CNTNAP5: variants seen among roughly 807,000 people sequenced by gnomAD.
The protein encoded by CNTNAP5 is contactin-associated protein-like 5.
A neutral mutation model predicts 150.2 loss-of-function variants in CNTNAP5; 72 were observed. The ratio of observed to expected loss-of-function variants is 0.48; its 90% CI spans 0.40 to 0.58. The LOEUF (loss-of-function observed/expected upper bound fraction) is 0.58. Ranked by LOEUF, CNTNAP5 falls within the 20% of genes least tolerant of loss-of-function variation. The probability of loss-of-function intolerance (pLI) is 0.00; values close to 1 mark genes in which losing one functional copy is unlikely to be tolerated. For synonymous variants in CNTNAP5, 672 were observed against 619.8 expected (o/e 1.08, Z -1.25); for missense variants, 1,636 against 1,626.2 (o/e 1.01, Z -0.10).
intron 3 of CNTNAP5, among the ~76,000 whole-genome samples, chr2:124,414,967 C>T (rs78859846): frequency 6.6e-6 from 1 of 152,190 alleles, no homozygotes; most frequent in African/African-American, 2.4e-5. Flanking sequence ...TTTACTCTAC[C>T]CAAAACAGTA....
At chr2:124,221,912 G>A in intron 2 of CNTNAP5, 103 bp downstream of exon 2, 2 of 700,704 alleles carry the variant, frequency 2.9e-6, no homozygotes, top group East Asian at 5.5e-5. Flanking sequence ...ATGTCCAATG[G>A]CCGTCTTCAG....
At chr2:124,081,004 T>C (rs1682548574) in intron 1 of CNTNAP5, among the ~76,000 whole-genome samples, 1 of 152,178 alleles carries the variant, frequency 6.6e-6, no homozygotes, top group South Asian at 2.1e-4. Context: ...AACTTTACAG[T>C]TGCAATCATA....
At chr2:124,856,975 C>G (rs571249243) in intron 19 of CNTNAP5, among the ~76,000 whole-genome samples, 109 of 152,234 alleles carry the variant, frequency 7.2e-4, no homozygotes, top group Non-Finnish European at 8.8e-5. Context: ...TGGGCTGTGG[C>G]TCATGGGGCT....
intron 1 of CNTNAP5, among the ~76,000 whole-genome samples, chr2:124,026,142 G>A (rs1341862139): frequency 1.3e-5 from 2 of 152,150 alleles, no homozygotes; most frequent in Non-Finnish European, 2.9e-5. Flanking sequence ...GCTCATCTCT[G>A]AATGCAGTGC....
rs757448937 is a variant in CNTNAP5, at chr2:124,527,446, A to G, written c.1639A>G (p.Ile547Val). The G allele has an allele frequency of 6.2e-7, 1 of 1,611,652 alleles. No homozygotes were observed. Among genetic ancestry groups the G allele is most frequent in the South Asian group, 1.1e-5 (1 of 90,734 alleles). Residue 547 changes from isoleucine (I) to valine (V), a missense_variant, in exon 10 of 24, where the codon ATC becomes GTC. By Grantham distance (29) the Ile-to-Val change is conservative (BLOSUM62 3). Transcript: ENST00000682447. ...TGATTTACACATTGATCTGTGTAGC[A>G]TCAAAGACAGGTAATTATTGTCTCT... ...FSDLHIDLCSIKDRCLPNYCE... is the reference protein window; with the variant it reads ...FSDLHIDLCSVKDRCLPNYCE...
chr2:124,499,449 A>G (rs1281723632), intron 7 of CNTNAP5, among the ~76,000 whole-genome samples: 3 of 152,188 alleles, frequency 2.0e-5, no homozygotes, highest in Non-Finnish European at 4.4e-5. Flanking sequence ...GCAGGGCAAA[A>G]GTGGGGATGG....
chr2:124,320,819 C>T (rs1689081145), intron 3 of CNTNAP5, among the ~76,000 whole-genome samples: 1 of 152,000 alleles, frequency 6.6e-6, no homozygotes, highest in South Asian at 2.1e-4. Flanking sequence ...GTGACCCCTC[C>T]AAACAGAAAA....
At chr2:124,548,106 AAG>A (rs1356589703) in intron 10 of CNTNAP5, among the ~76,000 whole-genome samples, 5 of 152,220 alleles carry the variant, frequency 3.3e-5, no homozygotes, top group African/African-American at 7.2e-5. Flanking sequence ...AACAAGTTGA[AAG>A]AGGGGGAAAA....
In CNTNAP5 at chr2:124,510,506, T is replaced by TATATAC. The variant is rs1553474727; in HGVS notation, c.1327+5955_1327+5956insCATATA. On this transcript the variant is annotated intron_variant, in intron 8 of 23. Transcript: ENST00000682447. ...ATATATATATATATATATATATATA[T>TATATAC]ATATATATATATACATATATCTCCA... 5.7e-3 allele frequency among the ~76,000 whole-genome samples: 361 copies of TATATAC among 63,452 alleles called. 4 individuals carry two copies. Among genetic ancestry groups the TATATAC allele is most frequent in the Non-Finnish European group, 0.01 (321 of 30,916 alleles). The allele number at this position is 63,452 out of a possible 152,430, so 41.6% of individuals were successfully genotyped here. A position where few individuals can be genotyped will look rare whatever the true frequency, so the allele number is the denominator to read the frequency against.
intron 10 of CNTNAP5, among the ~76,000 whole-genome samples, chr2:124,535,590 C>T (rs1005713180): frequency 2.1e-5 from 3 of 144,370 alleles, no homozygotes; most frequent in African/African-American, 5.1e-5. Context: ...GGTGAAACCC[C>T]GTCTCTACTG....
At chr2:124,247,972 T>C (rs1687072158) in intron 3 of CNTNAP5, among the ~76,000 whole-genome samples, 1 of 152,234 alleles carries the variant, frequency 6.6e-6, no homozygotes, top group South Asian at 2.1e-4. Context: ...AATAAGCTTT[T>C]AATACAGATA....
intron 1 of CNTNAP5, among the ~76,000 whole-genome samples, chr2:124,076,746 C>T (rs1321167254): frequency 6.6e-6 from 1 of 152,084 alleles, no homozygotes; most frequent in East Asian, 1.9e-4. Context: ...GTTATTCACT[C>T]TGAAAAATGG....
At chr2:124,588,448 A>G (rs555298603) in intron 11 of CNTNAP5, among the ~76,000 whole-genome samples, 30 of 152,002 alleles carry the variant, frequency 2.0e-4, no homozygotes, top group Admixed American at 1.7e-3. Context: ...TCTGAGGAAC[A>G]TACTCAGGGA....
intron 19 of CNTNAP5, among the ~76,000 whole-genome samples, chr2:124,822,960 C>T (rs11901852): frequency 0.25 from 38,777 of 152,140 alleles, 7,276 homozygotes; most frequent in African/African-American, 0.53. Flanking sequence ...ACCATCATCA[C>T]TGAAATTTGG....
chr2:124,080,220 T>A (rs573365097), intron 1 of CNTNAP5, among the ~76,000 whole-genome samples: 65 of 152,328 alleles, frequency 4.3e-4, no homozygotes, highest in African/African-American at 1.4e-3. Flanking sequence ...TCTAGCCCTA[T>A]AAACACAGTA....
At chr2:124,896,537 C>CTT (rs140118475) in intron 21 of CNTNAP5, among the ~76,000 whole-genome samples, 6 of 146,674 alleles carry the variant, frequency 4.1e-5, no homozygotes, top group African/African-American at 1.5e-4. Flanking sequence ...TATGGAAGTT[C>CTT]TTTTTTTTTT....
At chr2:124,135,611 C>T (rs1205881664) in intron 1 of CNTNAP5, among the ~76,000 whole-genome samples, 1 of 152,190 alleles carries the variant, frequency 6.6e-6, no homozygotes, top group East Asian at 1.9e-4. Flanking sequence ...AATACTCTGC[C>T]TCCCCTTGTG....
intron 14 of CNTNAP5, among the ~76,000 whole-genome samples, chr2:124,754,441 C>G (rs1047677920): frequency 2.0e-5 from 3 of 152,106 alleles, no homozygotes; most frequent in African/African-American, 7.2e-5. Flanking sequence ...ACACATCTTG[C>G]AAACTAATCA....
intron 2 of CNTNAP5, among the ~76,000 whole-genome samples, chr2:124,228,486 G>A (rs1686524774): frequency 6.6e-6 from 1 of 152,118 alleles, no homozygotes; most frequent in African/African-American, 2.4e-5. Context: ...TATAAAACTT[G>A]GGGGTTATAC....
Sources: gnomAD v4.1 joint callset for allele counts (sites outside exome capture counted in the v4.1 genomes callset) on GRCh38, gnomAD v4.1.1 for gene constraint, MANE v1.5 for transcripts, NCBI Gene and HGNC (gene_info 2026-07-23, HGNC 2026-07-21) for gene names.